ANK2: variants seen among roughly 807,000 people sequenced by gnomAD.
The protein encoded by ANK2 is ankyrin 2, also known as ankyrin-2.
ANK2 carries 83 observed loss-of-function variants against 360.5 expected under a neutral mutation model. The observed-to-expected ratio is 0.23, with a 90% CI of 0.19 to 0.28. ANK2 has a LOEUF of 0.28. Among genes scored for constraint, ANK2 ranks in the 10% least tolerant of loss-of-function variants. The pLI is 1.00. For synonymous variants in ANK2, 1,740 were observed against 1,759.5 expected (o/e 0.99, Z 0.28); for missense variants, 4,201 against 4,795.7 (o/e 0.88, Z 3.66).
chr4:113,161,308 T>G (rs1286379366), intron 1 of ANK2, among the ~76,000 whole-genome samples: 1 of 152,194 alleles, frequency 6.6e-6, no homozygotes, highest in African/African-American at 2.4e-5. Context: ...CAGAAGAATT[T>G]TGCAATATAA....
intron 1 of ANK2, among the ~76,000 whole-genome samples, chr4:113,051,212 G>A (rs1387671468): frequency 6.6e-6 from 1 of 151,748 alleles, no homozygotes; most frequent in Non-Finnish European, 1.5e-5. Context: ...CAAGAGAGAG[G>A]GAAAAAGAAA....
intron 2 of ANK2, among the ~76,000 whole-genome samples, chr4:113,036,535 A>G (rs1341013389): frequency 6.6e-6 from 1 of 151,776 alleles, no homozygotes; most frequent in Non-Finnish European, 1.5e-5. Flanking sequence ...CCAAATGTTT[A>G]TAATTAAGCT....
intron 2 of ANK2, among the ~76,000 whole-genome samples, chr4:113,194,220 G>A (rs1011839553): frequency 2.0e-5 from 3 of 152,158 alleles, no homozygotes; most frequent in African/African-American, 7.2e-5. Context: ...GTGAAAAACA[G>A]TTTGATGGAT....
the ANK2 span, among the ~76,000 whole-genome samples, chr4:112,737,429 A>C: frequency 1.3e-5 from 2 of 152,236 alleles, no homozygotes; most frequent in Non-Finnish European, 2.9e-5. Flanking sequence ...CCTATCCTCT[A>C]TCTCAATTAT....
chr4:112,891,647 A>G (rs895498986), intron 1 of ANK2, among the ~76,000 whole-genome samples: 3 of 152,200 alleles, frequency 2.0e-5, no homozygotes, highest in African/African-American at 7.2e-5. Flanking sequence ...CTGCCTCACC[A>G]CTATGCCTCA....
chr4:113,080,249 C>T (rs1247113915), intron 1 of ANK2, among the ~76,000 whole-genome samples: 1 of 152,092 alleles, frequency 6.6e-6, no homozygotes, highest in Non-Finnish European at 1.5e-5. Context: ...TTCTTAGTAA[C>T]CAGGCTGTGG....
intron 2 of ANK2, among the ~76,000 whole-genome samples, chr4:113,193,437 G>A (rs1482168552): frequency 6.6e-6 from 1 of 152,168 alleles, no homozygotes; most frequent in East Asian, 1.9e-4. Flanking sequence ...AGTACCCTTG[G>A]TTTAGAGAAG....
the ANK2 span, among the ~76,000 whole-genome samples, chr4:112,809,227 A>C: frequency 6.6e-6 from 1 of 151,502 alleles, no homozygotes; most frequent in East Asian, 2.0e-4. Context: ...ACTTCAAAAA[A>C]ACTTCCTGGT....
intron 2 of ANK2, among the ~76,000 whole-genome samples, chr4:113,175,535 G>A (rs1426059543): frequency 6.6e-6 from 1 of 152,108 alleles, no homozygotes; most frequent in East Asian, 1.9e-4. Flanking sequence ...CAGATTACAT[G>A]AGCTCGGATC....
intron 4 of ANK2, among the ~76,000 whole-genome samples, chr4:113,200,782 T>C (rs1275539842): frequency 6.6e-6 from 1 of 151,246 alleles, no homozygotes; most frequent in Non-Finnish European, 1.5e-5. Context: ...AATGCTGCAA[T>C]AAACATAAGG....
chr4:112,953,020 A>G (rs2095123119), intron 2 of ANK2, among the ~76,000 whole-genome samples: 1 of 152,194 alleles, frequency 6.6e-6, no homozygotes, highest in African/African-American at 2.4e-5. Context: ...TATTCTAAAT[A>G]CACTGCGGTT....
At chr4:112,764,454 G>A in the ANK2 span, among the ~76,000 whole-genome samples, 2 of 151,766 alleles carry the variant, frequency 1.3e-5, no homozygotes, top group South Asian at 4.2e-4. Context: ...TCCTGCCTCA[G>A]CCTCCCAAGT....
At chr4:113,347,129 C>T (rs1469103488) in intron 35 of ANK2, among the ~76,000 whole-genome samples, 1 of 152,092 alleles carries the variant, frequency 6.6e-6, no homozygotes, top group African/African-American at 2.4e-5. Flanking sequence ...TTTTTCCCCA[C>T]CACAGTTGTT....
At chr4:113,143,919 G>A (rs2096736250) in intron 1 of ANK2, among the ~76,000 whole-genome samples, 1 of 152,100 alleles carries the variant, frequency 6.6e-6, no homozygotes, top group South Asian at 2.1e-4. Context: ...AAATTATTCA[G>A]GAAACATGAA....
intron 1 of ANK2, among the ~76,000 whole-genome samples, chr4:113,101,700 C>G (rs540297495): frequency 6.6e-6 from 1 of 152,130 alleles, no homozygotes; most frequent in South Asian, 2.1e-4. Flanking sequence ...AACCCAATTA[C>G]CTATATTACT....
chr4:113,233,129 T>G (rs2099336896), intron 5 of ANK2, among the ~76,000 whole-genome samples: 1 of 100,818 alleles, frequency 9.9e-6, no homozygotes, highest in African/African-American at 3.9e-5. Flanking sequence ...TTTTTTTTTT[T>G]TTTTTTTTTT....
chr4:113,227,136 T>A (rs2099233673), intron 4 of ANK2, among the ~76,000 whole-genome samples: 1 of 152,220 alleles, frequency 6.6e-6, no homozygotes. Context: ...CCCAGAGGCA[T>A]GTTTCACATT....
At position 113,333,041 on chromosome 4, in the gene ANK2, A is replaced by G; in HGVS notation, c.3225-13A>G. On this transcript the variant is annotated splice_polypyrimidine_tract_variant and intron_variant, in intron 28 of 45. Coordinates refer to ENST00000357077, the MANE Select transcript of ANK2 (RefSeq NM_001148.6). Reference sequence around the variant, plus strand: ...CTCCTGTCCACACTGAATGTTCTGCATTGCTATGTCAGGCCTGTGATCGTG... The same window carrying G: ...CTCCTGTCCACACTGAATGTTCTGCGTTGCTATGTCAGGCCTGTGATCGTG... 1 of 1,614,142 alleles carries G rather than the reference A, an allele frequency of 6.2e-7. No individual in the cohort carries two copies. The highest frequency in any genetic ancestry group is 8.5e-7 in the Non-Finnish European group (1 of 1,180,020).
At position 113,317,770 on chromosome 4, in the gene ANK2, T is replaced by A. The variant is rs780718700; in HGVS notation, c.2757T>A (p.Ser919Arg). The part of the protein sequence containing the change: ...TLSHASYLRD[S>R]AVMDDSVVIP... ...GCCATGCCTCCTACCTGAGGGACAGTGCCGTGATGGATGACTCAGTTGTGA... is the reference window on the plus strand; with the variant it reads ...GCCATGCCTCCTACCTGAGGGACAGAGCCGTGATGGATGACTCAGTTGTGA... Residue 919 changes from serine (S) to arginine (R), a missense_variant, in exon 25 of 46, where the codon AGT becomes AGA. Ser to Arg is a moderately radical substitution (Grantham distance 110, BLOSUM62 -1). Around this residue, in one of 4 missense-constraint regions of ANK2, gnomAD observed 1,268 missense variants for 1,650.8 expected, o/e 0.77. Transcript: ENST00000357077. 9 of 1,614,182 alleles carry A rather than the reference T, an allele frequency of 5.6e-6. No individual in the cohort carries two copies. The South Asian group carries it at 9.9e-5, about 18-fold the overall frequency.
Sources: allele counts gnomAD v4.1 joint callset (sites outside exome capture counted in the v4.1 genomes callset), GRCh38; gene constraint gnomAD v4.1.1; regional missense constraint gnomAD v4.1.1; transcripts MANE v1.5; gene names NCBI Gene and HGNC (gene_info 2026-07-23, HGNC 2026-07-21).